Variants in DCDC2 observed in about 807,000 individuals in gnomAD.
DCDC2 encodes doublecortin domain-containing protein 2.
In DCDC2, 40 loss-of-function variants were observed where a neutral mutation model predicts 50.2. The observed-to-expected ratio is 0.80, with a 90% CI of 0.62 to 1.04. The LOEUF is 1.04. DCDC2 is among the 50% of genes least tolerant of loss of function. DCDC2 has a pLI of 0.00. For synonymous variants in DCDC2, 234 were observed against 210.6 expected, an observed-to-expected ratio of 1.11 and a Z score of -0.96; for missense variants, 570 against 581.9, an observed-to-expected ratio of 0.98 and a Z score of 0.21.
At chr6:24,186,171 T>C (rs1202990512) in intron 8 of DCDC2, among the ~76,000 whole-genome samples, 1 of 152,244 alleles carries the variant, frequency 6.6e-6, no homozygotes, top group Non-Finnish European at 1.5e-5. Flanking sequence ...CAAGGATAAT[T>C]TCCATAAATT....
chr6:24,363,809 C>T, the DCDC2 span, among the ~76,000 whole-genome samples: 5 of 152,242 alleles, frequency 3.3e-5, no homozygotes, highest in East Asian at 7.7e-4. Flanking sequence ...AGTTTGCTTC[C>T]CTATTATCCA....
At chr6:24,324,124 A>G (rs1218959964) in intron 2 of DCDC2, among the ~76,000 whole-genome samples, 1 of 152,228 alleles carries the variant, frequency 6.6e-6, no homozygotes, top group Non-Finnish European at 1.5e-5. Flanking sequence ...CTGGGTCAAA[A>G]GAACCTCACT....
chr6:24,241,200 A>G (rs1336981422), intron 7 of DCDC2, among the ~76,000 whole-genome samples: 1 of 152,252 alleles, frequency 6.6e-6, no homozygotes, highest in Non-Finnish European at 1.5e-5. Context: ...AGGAAAAACA[A>G]TGGCCTTTGT....
At chr6:24,351,661 C>T (rs759720024) in intron 2 of DCDC2, among the ~76,000 whole-genome samples, 11 of 152,076 alleles carry the variant, frequency 7.2e-5, no homozygotes, top group African/African-American at 2.4e-4. Context: ...GTTTTTCACA[C>T]GTAAGGTGTG....
intron 7 of DCDC2, among the ~76,000 whole-genome samples, chr6:24,218,905 A>G (rs1762039122): frequency 6.6e-6 from 1 of 152,152 alleles, no homozygotes; most frequent in South Asian, 2.1e-4. Context: ...TTGAAAAGGA[A>G]TAATTCTGGC....
intron 8 of DCDC2, among the ~76,000 whole-genome samples, chr6:24,187,507 T>C (rs561473359): frequency 6.6e-6 from 1 of 152,312 alleles, no homozygotes; most frequent in East Asian, 1.9e-4. Flanking sequence ...ACTGTGCAGT[T>C]ATTCTCTATT....
At chr6:24,360,754 T>TG, upstream of DCDC2, among the ~76,000 whole-genome samples, 1 of 3,766 alleles carries the variant, frequency 2.7e-4, no homozygotes, top group South Asian at 0.056. Flanking sequence ...CATGTACGAA[T>TG]AAAAAGAACT....
chr6:24,203,117 C>A lies in DCDC2; in HGVS notation c.1023+1885G>T, dbSNP rs772492261. The stretch of plus-strand genomic sequence containing the variant: ...ATCAAGCTACCATTGACTTTCTTCA[C>A]AAAATTGGAAAAAACTACTTTAAAG... On this transcript the variant is annotated intron_variant, in intron 8 of 9. Coordinates refer to ENST00000378454, the MANE Select transcript of DCDC2 (RefSeq NM_016356.5). Among the ~76,000 whole-genome samples, 14 of 152,150 alleles carry A rather than the reference C, an allele frequency of 9.2e-5. No homozygotes were observed. The South Asian group carries it at 1.7e-3, about 18-fold the overall frequency.
At chr6:24,269,524 A>G (rs185184706) in intron 7 of DCDC2, among the ~76,000 whole-genome samples, 1 of 152,330 alleles carries the variant, frequency 6.6e-6, no homozygotes, top group Admixed American at 6.5e-5. Flanking sequence ...AGAAGAGAAA[A>G]TGAAATACTC....
At chr6:24,225,665 T>C (rs1323129327) in intron 7 of DCDC2, among the ~76,000 whole-genome samples, 1 of 151,946 alleles carries the variant, frequency 6.6e-6, no homozygotes. Context: ...TTTACTTACA[T>C]TTTATATATT....
rs761682006 is a variant in DCDC2 at position 24,357,607 on chromosome 6, C to A, written c.144G>T (p.Leu48=). Residue 48 remains leucine (L), a synonymous_variant, in exon 1 of 10, where the codon CTG becomes CTT. Transcript: ENST00000378454. Reference sequence around the variant, plus strand: ...CCTGAACGCCGCCGGTCACCTCCTTCAGGAAGACTTCGAAGCTGGACACCT... The same window carrying A: ...CCTGAACGCCGCCGGTCACCTCCTTAAGGAAGACTTCGAAGCTGGACACCT... The part of the protein sequence containing the change: ...EKKVSSFEVF[L]KEVTGGVQAP... 6.2e-7 allele frequency: 1 copy of A among 1,613,394 alleles called. No individual in the cohort carries two copies. The highest frequency in any genetic ancestry group is 1.3e-5 in the African/African-American group (1 of 74,950).
intron 2 of DCDC2, among the ~76,000 whole-genome samples, chr6:24,306,543 TAGACAGACAGAC>T (rs1160445956): frequency 0.012 from 1,410 of 115,646 alleles, 20 homozygotes; most frequent in African/African-American, 0.032. Flanking sequence ...GATAGATAGA[TAGACAGACAGAC>T]AGACAGACAG....
chr6:24,214,821 TAC>T (rs1761940790), intron 7 of DCDC2, among the ~76,000 whole-genome samples: 2 of 152,228 alleles, frequency 1.3e-5, no homozygotes, highest in Admixed American at 1.3e-4. Flanking sequence ...CATACTTCTA[TAC>T]GCTAGATTTA....
chr6:24,202,715 T>C (rs1467303374), intron 8 of DCDC2, among the ~76,000 whole-genome samples: 1 of 152,210 alleles, frequency 6.6e-6, no homozygotes. Context: ...GTGGATGACA[T>C]GATTGTATAT....
intron 9 of DCDC2, 137 bp downstream of exon 9, chr6:24,178,193 T>C (rs955198452): frequency 1.2e-5 from 10 of 812,000 alleles, no homozygotes; most frequent in Admixed American, 9.4e-5. Flanking sequence ...AGGGATTAAA[T>C]GGTATTGGAT....
chr6:24,334,656 A>C (rs1180764162), intron 2 of DCDC2, among the ~76,000 whole-genome samples: 3 of 152,258 alleles, frequency 2.0e-5, no homozygotes, highest in African/African-American at 7.2e-5. Context: ...ATTGTGGAGT[A>C]GCTTTGGCAT....
the DCDC2 span, among the ~76,000 whole-genome samples, chr6:24,381,255 G>A: frequency 0.98 from 149,012 of 152,278 alleles, 72,972 homozygotes; most frequent in East Asian, 1. Flanking sequence ...AACACTTAAT[G>A]TCTATTGTCT....
intron 7 of DCDC2, among the ~76,000 whole-genome samples, chr6:24,253,886 T>C (rs78681250): frequency 0.041 from 6,292 of 152,258 alleles, 200 homozygotes; most frequent in African/African-American, 0.089. Flanking sequence ...CACTTGTTTC[T>C]TCAATCATAA....
At chr6:24,295,921 A>G (rs746319814) in intron 4 of DCDC2, among the ~76,000 whole-genome samples, 2 of 152,172 alleles carry the variant, frequency 1.3e-5, no homozygotes, top group South Asian at 2.1e-4. Context: ...TACAGATTCA[A>G]TATTACTGCT....
Sources: allele counts gnomAD v4.1 joint callset (sites outside exome capture counted in the v4.1 genomes callset), GRCh38; gene constraint gnomAD v4.1.1; transcripts MANE v1.5; gene names NCBI Gene and HGNC (gene_info 2026-07-23, HGNC 2026-07-21).